The following OPRM1 variants were observed in gnomAD, a reference collection of about 807,000 sequenced individuals.
OPRM1 encodes the protein mu-type opioid receptor.
Under a neutral mutation model 31.8 loss-of-function variants are expected in OPRM1, and 27 were observed. That is an observed-to-expected ratio of 0.85 (90% confidence interval 0.63 to 1.17). The LOEUF (loss-of-function observed/expected upper bound fraction) is 1.17, where lower values mean the gene tolerates loss of function less well. Ranked by LOEUF, OPRM1 falls within the 50% of genes most tolerant of loss-of-function variation. The probability of loss-of-function intolerance (pLI) is 0.00; values close to 1 mark genes in which losing one functional copy is unlikely to be tolerated. For missense variants in OPRM1, 536 were observed against 511.1 expected (o/e 1.05, Z -0.47); for synonymous variants, 196 against 189.9 (o/e 1.03, Z -0.26).
chr6:154,221,538 G>T (rs910227702), intron 3 of OPRM1, among the ~76,000 whole-genome samples: 1 of 152,170 alleles, frequency 6.6e-6, no homozygotes, highest in Non-Finnish European at 1.5e-5. Context: ...AGAACGTCCA[G>T]AACAGGGCTG....
At chr6:154,014,452 G>T (rs1777894690) in intron 1 of OPRM1, among the ~76,000 whole-genome samples, 2 of 152,112 alleles carry the variant, frequency 1.3e-5, no homozygotes, top group South Asian at 4.1e-4. Context: ...AAGAGCCATA[G>T]ACAATGAGAG....
intron 1 of OPRM1, among the ~76,000 whole-genome samples, chr6:154,077,584 A>T (rs1272076054): frequency 6.6e-6 from 1 of 151,710 alleles, no homozygotes; most frequent in Non-Finnish European, 1.5e-5. Flanking sequence ...TACAAAAATT[A>T]TCCAGGCGTG....
chr6:154,112,618 C>T (rs925325743), intron 3 of OPRM1, among the ~76,000 whole-genome samples: 1 of 152,166 alleles, frequency 6.6e-6, no homozygotes, highest in Non-Finnish European at 1.5e-5. Flanking sequence ...CTATGACTAG[C>T]TGTAGAAAGA....
At chr6:154,024,760 G>A (rs940558260) in intron 1 of OPRM1, among the ~76,000 whole-genome samples, 9 of 149,792 alleles carry the variant, frequency 6.0e-5, no homozygotes, top group Non-Finnish European at 1.5e-5. Flanking sequence ...TTTGTTTCAA[G>A]AATTTTTTTC....
chr6:154,086,644 ATACT>A (rs755090496), intron 1 of OPRM1: 14 of 984,326 alleles, frequency 1.4e-5, no homozygotes, highest in African/African-American at 3.5e-5. Flanking sequence ...TACATTGGAA[ATACT>A]TAGTGCTAAA....
chr6:154,205,488 G>A (rs997542360), intron 3 of OPRM1, among the ~76,000 whole-genome samples: 3 of 152,114 alleles, frequency 2.0e-5, no homozygotes, highest in Middle Eastern at 3.2e-3. Context: ...CCAGCTACTT[G>A]GGAGGCTGAG....
intron 3 of OPRM1, among the ~76,000 whole-genome samples, chr6:154,176,368 AGAG>A (rs1800330357): frequency 6.6e-6 from 1 of 152,238 alleles, no homozygotes; most frequent in African/African-American, 2.4e-5. Flanking sequence ...AATTAGGAAA[AGAG>A]GAGGTCAAAT....
chr6:154,070,286 A>G (rs1210912638), intron 1 of OPRM1, among the ~76,000 whole-genome samples: 1 of 152,166 alleles, frequency 6.6e-6, no homozygotes, highest in Admixed American at 6.5e-5. Context: ...AAAATAAACC[A>G]AGTTTACTGT....
chr6:154,190,098 A>G (rs1454764210), intron 3 of OPRM1, among the ~76,000 whole-genome samples: 1 of 152,184 alleles, frequency 6.6e-6, no homozygotes, highest in Non-Finnish European at 1.5e-5. Flanking sequence ...TACTTCCTAT[A>G]CTTATATTGA....
chr6:154,167,844 C>A, intron 3 of OPRM1: 2 of 1,127,714 alleles, frequency 1.8e-6, no homozygotes, highest in Non-Finnish European at 1.3e-6. Context: ...CTGTGATTAG[C>A]AAGAATCTCT....
At chr6:154,078,677 C>G (rs768203268) in intron 1 of OPRM1, among the ~76,000 whole-genome samples, 1 of 152,170 alleles carries the variant, frequency 6.6e-6, no homozygotes, top group Non-Finnish European at 1.5e-5. Flanking sequence ...TTGAGACCAG[C>G]CTGGGCAACA....
chr6:154,183,477 T>C (rs1801074235), intron 3 of OPRM1, among the ~76,000 whole-genome samples: 4 of 152,192 alleles, frequency 2.6e-5, no homozygotes, highest in South Asian at 2.1e-4. Flanking sequence ...AAAAATTATA[T>C]TCTAAATAAA....
chr6:154,223,523 C>T (rs770663090), intron 3 of OPRM1, among the ~76,000 whole-genome samples: 3 of 149,654 alleles, frequency 2.0e-5, no homozygotes, highest in African/African-American at 7.5e-5. Context: ...CTGTCTCCAC[C>T]GGCCTCCTGT....
chr6:154,037,210 C>T (rs1779357030), upstream of OPRM1, among the ~76,000 whole-genome samples: 1 of 151,772 alleles, frequency 6.6e-6, no homozygotes, highest in African/African-American at 2.4e-5. Flanking sequence ...CTATTGTATC[C>T]ATCTTTTTAA....
chr6:154,144,748 CAAAAAA>C (rs58367883), intron 3 of OPRM1, among the ~76,000 whole-genome samples: 120 of 70,502 alleles, frequency 1.7e-3, no homozygotes, highest in African/African-American at 5.9e-3. Context: ...GACTCTGTCT[CAAAAAA>C]AAAAAAAAAA....
At chr6:154,228,218 C>T (rs553046603) in intron 3 of OPRM1, among the ~76,000 whole-genome samples, 2 of 152,016 alleles carry the variant, frequency 1.3e-5, no homozygotes, top group Non-Finnish European at 2.9e-5. Flanking sequence ...GTAATCCCAG[C>T]GCTTTGGGAG....
At chr6:154,176,581 A>G (rs933677918) in intron 3 of OPRM1, among the ~76,000 whole-genome samples, 1 of 152,210 alleles carries the variant, frequency 6.6e-6, no homozygotes, top group African/African-American at 2.4e-5. Flanking sequence ...TACTATAAAG[A>G]GAATAAAATA....
chr6:154,114,451 A>G (rs1441998040), intron 3 of OPRM1, among the ~76,000 whole-genome samples: 2 of 152,134 alleles, frequency 1.3e-5, no homozygotes, highest in African/African-American at 4.8e-5. Context: ...AAAGAGAGAA[A>G]GAGAAAGAGA....
chr6:154,043,535 GTGTA>G lies in OPRM1; in HGVS notation c.290+3703_290+3706del, dbSNP rs746334022. Among the ~76,000 whole-genome samples the G allele has an allele frequency of 4.1e-3, 583 of 142,492 alleles. 3 individuals are homozygous for G. The highest frequency in any genetic ancestry group is 0.014 in the African/African-American group (543 of 39,056). 93.5% of individuals were successfully genotyped at this position (142,492 alleles called of 152,430 possible). A position where few individuals can be genotyped will look rare whatever the true frequency, so the allele number is the denominator to read the frequency against. On this transcript the variant is annotated intron_variant, in intron 1 of 3. Coordinates refer to ENST00000330432, the MANE Select transcript of OPRM1 (RefSeq NM_000914.5). ...AATATAAGGATATATATGTGTGTGT[GTGTA>G]TATATATATATATATAAATTCACAC...
Sources: gnomAD v4.1 joint callset for allele counts (sites outside exome capture counted in the v4.1 genomes callset) on GRCh38, gnomAD v4.1.1 for gene constraint, MANE v1.5 for transcripts, NCBI Gene and HGNC (gene_info 2026-07-23, HGNC 2026-07-21) for gene names.